PITPNC1: variants seen among roughly 807,000 people sequenced by gnomAD.
PITPNC1 encodes cytoplasmic phosphatidylinositol transfer protein 1.
PITPNC1 carries 18 observed loss-of-function variants against 44.7 expected under a neutral mutation model. The observed-to-expected ratio is 0.40, with a 90% confidence interval of 0.28 to 0.60. The LOEUF (loss-of-function observed/expected upper bound fraction) is 0.60. PITPNC1 is among the 20% of genes least tolerant of loss of function. PITPNC1 has a pLI of 0.39. For synonymous variants in PITPNC1, 141 were observed against 149.6 expected, an observed-to-expected ratio of 0.94 and a Z score of 0.42; for missense variants, 290 against 418.4, an observed-to-expected ratio of 0.69 and a Z score of 2.68.
intron 5 of PITPNC1, among the ~76,000 whole-genome samples, chr17:67,600,869 C>T (rs1424369409): frequency 6.6e-6 from 1 of 151,772 alleles, no homozygotes; most frequent in African/African-American, 2.4e-5. Flanking sequence ...TGAGAATTTT[C>T]TAGAATTGAA....
chr17:67,400,131 G>A (rs746512254), intron 1 of PITPNC1, among the ~76,000 whole-genome samples: 1 of 152,138 alleles, frequency 6.6e-6, no homozygotes, highest in Non-Finnish European at 1.5e-5. Context: ...TTTATTTTAG[G>A]GGGACCCTCT....
intron 1 of PITPNC1, among the ~76,000 whole-genome samples, chr17:67,463,893 C>CA (rs1202360271): frequency 3.4e-5 from 5 of 146,902 alleles, no homozygotes; most frequent in Non-Finnish European, 6.0e-5. Context: ...GACCCCATTT[C>CA]AAAAAAGAAA....
intron 1 of PITPNC1, among the ~76,000 whole-genome samples, chr17:67,412,596 C>T (rs962025609): frequency 3.9e-5 from 6 of 152,040 alleles, no homozygotes; most frequent in South Asian, 4.1e-4. Context: ...GACGGAGTTT[C>T]GCTCTTGTTG....
At chr17:67,552,693 CAA>C (rs1322687957) in intron 3 of PITPNC1, among the ~76,000 whole-genome samples, 1 of 151,064 alleles carries the variant, frequency 6.6e-6, no homozygotes, top group East Asian at 1.9e-4. Flanking sequence ...CCAGCCTGCC[CAA>C]CATGGTGAAA....
At chr17:67,690,458 A>AAAAG (rs1369496248) in intron 8 of PITPNC1, among the ~76,000 whole-genome samples, 1 of 151,940 alleles carries the variant, frequency 6.6e-6, no homozygotes, top group African/African-American at 2.4e-5. Context: ...CAAAAAAAAA[A>AAAAG]AAAAAGAAAA....
chr17:67,427,599 C>T (rs2038789925), intron 1 of PITPNC1, among the ~76,000 whole-genome samples: 1 of 152,196 alleles, frequency 6.6e-6, no homozygotes, highest in Admixed American at 6.5e-5. Context: ...TCAAAGTCAT[C>T]CTTCATTACA....
chr17:67,398,093 CAAA>C (rs534488396), intron 1 of PITPNC1, among the ~76,000 whole-genome samples: 1,520 of 97,810 alleles, frequency 0.016, 22 homozygotes, highest in African/African-American at 0.045. Flanking sequence ...ACTCCGTCTC[CAAA>C]AAAAAAAAAA....
intron 8 of PITPNC1, among the ~76,000 whole-genome samples, chr17:67,688,200 T>C (rs1335199250): frequency 4.0e-5 from 6 of 151,306 alleles, no homozygotes. Context: ...TAGCTGGGTG[T>C]GGTGGCGCAT....
At chr17:67,387,121 C>G (rs184238442) in intron 1 of PITPNC1, among the ~76,000 whole-genome samples, 2 of 152,218 alleles carry the variant, frequency 1.3e-5, no homozygotes, top group Admixed American at 6.5e-5. Flanking sequence ...CCAAATCATT[C>G]AAACGAACAG....
intron 5 of PITPNC1, among the ~76,000 whole-genome samples, chr17:67,593,679 G>A (rs1007166526): frequency 7.9e-5 from 12 of 152,268 alleles, no homozygotes; most frequent in African/African-American, 2.6e-4. Context: ...GATTACAGGC[G>A]TGAGCCATGT....
At chr17:67,442,299 C>G (rs577113484) in intron 1 of PITPNC1, among the ~76,000 whole-genome samples, 1 of 137,982 alleles carries the variant, frequency 7.2e-6, no homozygotes, top group Admixed American at 7.9e-5. Flanking sequence ...GTTAATGAAG[C>G]TCTACAATGA....
intron 7 of PITPNC1, among the ~76,000 whole-genome samples, chr17:67,673,243 C>T (rs1274046592): frequency 6.6e-6 from 1 of 152,192 alleles, no homozygotes; most frequent in Non-Finnish European, 1.5e-5. Flanking sequence ...CTTGAACCTT[C>T]CACGAGAGGT....
intron 1 of PITPNC1, among the ~76,000 whole-genome samples, chr17:67,501,209 C>A (rs1346402275): frequency 6.6e-6 from 1 of 152,190 alleles, no homozygotes; most frequent in African/African-American, 2.4e-5. Flanking sequence ...TCATGCATCG[C>A]AGTTCGAGTG....
chr17:67,422,271 A>G (rs541582939), intron 1 of PITPNC1, among the ~76,000 whole-genome samples: 148 of 152,338 alleles, frequency 9.7e-4, no homozygotes, highest in African/African-American at 3.5e-3. Context: ...CATTGCATAG[A>G]GTTGGAGGTG....
intron 8 of PITPNC1, among the ~76,000 whole-genome samples, chr17:67,687,879 A>G (rs2042845217): frequency 6.6e-6 from 1 of 152,066 alleles, no homozygotes; most frequent in Admixed American, 6.6e-5. Flanking sequence ...TAATCTCTCA[A>G]TCATTCATGC....
intron 1 of PITPNC1, among the ~76,000 whole-genome samples, chr17:67,497,198 C>T (rs2039963333): frequency 6.6e-6 from 1 of 151,450 alleles, no homozygotes; most frequent in South Asian, 2.1e-4. Flanking sequence ...TAAGTAGTCA[C>T]ACAAGACATA....
chr17:67,554,253 A>ATTTTTTTTTTTTTTT (rs11413972), intron 4 of PITPNC1, among the ~76,000 whole-genome samples: 1 of 111,128 alleles, frequency 9.0e-6, no homozygotes, highest in Non-Finnish European at 1.8e-5. Flanking sequence ...ATAGTTTATG[A>ATTTTTTTTTTTTTTT]TTTTTTTTTT....
At chr17:67,608,247 CAAAAAAAAACAAA>C (rs2041636898) in intron 5 of PITPNC1, among the ~76,000 whole-genome samples, 1 of 113,764 alleles carries the variant, frequency 8.8e-6, no homozygotes, top group Admixed American at 9.1e-5. Context: ...AAAAAAAAAA[CAAAAAAAAACAAA>C]AAAAAAAAAC....
chr17:67,590,944 ACT>A (rs776269216), intron 5 of PITPNC1, among the ~76,000 whole-genome samples: 9 of 150,790 alleles, frequency 6.0e-5, no homozygotes, highest in Non-Finnish European at 1.0e-4. Flanking sequence ...CAAGAGCGAA[ACT>A]CTGTCTCAAA....
Sources: allele counts gnomAD v4.1 joint callset (sites outside exome capture counted in the v4.1 genomes callset), GRCh38; gene constraint gnomAD v4.1.1; transcripts MANE v1.5; gene names NCBI Gene and HGNC (gene_info 2026-07-23, HGNC 2026-07-21).